GALNT18: variants seen among roughly 807,000 people sequenced by gnomAD.
GALNT18 encodes the protein GalNAc-transferase 18.
GALNT18 carries 44 observed loss-of-function variants against 69.5 expected under a neutral mutation model. The ratio of observed to expected loss-of-function variants is 0.63; its 90% CI spans 0.50 to 0.81. The LOEUF (loss-of-function observed/expected upper bound fraction) is 0.81. Among genes scored for constraint, GALNT18 ranks in the 40% least tolerant of loss-of-function variants. GALNT18 has a pLI of 0.00. For missense variants in GALNT18, 715 were observed against 810.0 expected (o/e 0.88, Z 1.42); for synonymous variants, 364 against 318.2 (o/e 1.14, Z -1.53).
At chr11:11,275,182 T>C (rs1230360001) in intron 10 of GALNT18, among the ~76,000 whole-genome samples, 1 of 152,258 alleles carries the variant, frequency 6.6e-6, no homozygotes, top group African/African-American at 2.4e-5. Flanking sequence ...GTGTTCCTAT[T>C]TCTCCACATC....
In GALNT18 at chr11:11,586,783, G is replaced by A. The variant is rs1859236773; in HGVS notation, c.235+34576C>T. Reference sequence around the variant, plus strand: ...GAGGTCAGGAGTTTGAGACCAGCCTGGCCAACATGGTTAAACACCATCTCT... The same window carrying A: ...GAGGTCAGGAGTTTGAGACCAGCCTAGCCAACATGGTTAAACACCATCTCT... On this transcript the variant is annotated intron_variant, in intron 1 of 10. Transcript: ENST00000227756. This position sits in a 1 kb window ranked among gnomAD's most constrained non-coding sequence, Gnocchi z 4.1. Among the ~76,000 whole-genome samples, 1 of 151,158 alleles carries A rather than the reference G, an allele frequency of 6.6e-6. No homozygotes were observed. The highest frequency in any genetic ancestry group is 2.4e-5 in the African/African-American group (1 of 41,082).
intron 9 of GALNT18, among the ~76,000 whole-genome samples, chr11:11,296,507 C>A (rs1378086503): frequency 6.6e-6 from 1 of 152,190 alleles, no homozygotes; most frequent in Non-Finnish European, 1.5e-5. Context: ...GGCTGTGAGA[C>A]AAGGACAGCC....
At chr11:11,530,086 T>A (rs981357986) in intron 1 of GALNT18, among the ~76,000 whole-genome samples, 7 of 152,024 alleles carry the variant, frequency 4.6e-5, no homozygotes, top group African/African-American at 1.7e-4. Context: ...AGGCCCTCCA[T>A]CCCCTCCTCC....
chr11:11,288,293 TA>T (rs1274899653), intron 10 of GALNT18, among the ~76,000 whole-genome samples: 1 of 152,208 alleles, frequency 6.6e-6, no homozygotes, highest in Non-Finnish European at 1.5e-5. Flanking sequence ...AATGGATTCC[TA>T]CTACTAAAAT....
Position 11,332,838 on chromosome 11 carries a change from A to C in GALNT18, c.1279-7T>G. On this transcript the variant is annotated splice_region_variant and splice_polypyrimidine_tract_variant and intron_variant, in intron 7 of 10. Coordinates refer to ENST00000227756, the MANE Select transcript of GALNT18 (RefSeq NM_198516.3). This position sits in a 1 kb window ranked among gnomAD's most constrained non-coding sequence, Gnocchi z 4.3. ...CAATGTCAATTCCTGAGTCCTGCAC[A>C]GGGACGCAGAAGCAGAGATGAAGCC... 6.2e-7 allele frequency: 1 copy of C among 1,612,298 alleles called. No individual in the cohort carries two copies. The highest frequency in any genetic ancestry group is 8.5e-7 in the Non-Finnish European group (1 of 1,179,826).
At chr11:11,589,442 G>A (rs188260868) in intron 1 of GALNT18, among the ~76,000 whole-genome samples, 28 of 152,090 alleles carry the variant, frequency 1.8e-4, no homozygotes, top group African/African-American at 5.6e-4. Context: ...ACATTTTGCC[G>A]TATTGCTAAA....
intron 3 of GALNT18, among the ~76,000 whole-genome samples, chr11:11,390,765 TCTC>T (rs2133714367): frequency 6.6e-6 from 1 of 152,278 alleles, no homozygotes; most frequent in South Asian, 2.1e-4. Context: ...ACCCAAGTGT[TCTC>T]CTGGCCTTCC....
Position 11,432,850 on chromosome 11 carries a change from C to T in GALNT18, c.429-63G>A. The T allele has an allele frequency of 6.5e-7, 1 of 1,539,706 alleles. No homozygotes were observed. Among genetic ancestry groups the T allele is most frequent in the East Asian group, 2.3e-5 (1 of 43,886 alleles). On this transcript the variant is annotated intron_variant, in intron 2 of 10. Coordinates refer to ENST00000227756, the MANE Select transcript of GALNT18 (RefSeq NM_198516.3). The surrounding 1 kb of genome is among the most constrained non-coding windows in gnomAD (Gnocchi z 5.8). ...GCTGGAGTCATCTCAGGAGCTGACC[C>T]AGCCCATGTCCTGGCTCCAGCTTTG...
At position 11,415,218 on chromosome 11, in the gene GALNT18, C is replaced by T. The variant is rs1201630613; in HGVS notation, c.595+17403G>A. Among the ~76,000 whole-genome samples, 1 of 152,172 alleles carries T rather than the reference C, an allele frequency of 6.6e-6. No individual in the cohort carries two copies. Among genetic ancestry groups the T allele is most frequent in the Admixed American group, 6.5e-5 (1 of 15,280 alleles). ...TTCATGTGATTATGTCAGGCCCAAC[C>T]AACCGATTGGGGACCTTAATTACGT... On this transcript the variant is annotated intron_variant, in intron 3 of 10. Coordinates refer to ENST00000227756, the MANE Select transcript of GALNT18 (RefSeq NM_198516.3). The surrounding 1 kb of genome is among the most constrained non-coding windows in gnomAD (Gnocchi z 4.1).
At chr11:11,279,189 A>G (rs984186458) in intron 10 of GALNT18, among the ~76,000 whole-genome samples, 9 of 152,176 alleles carry the variant, frequency 5.9e-5, no homozygotes, top group African/African-American at 2.2e-4. Flanking sequence ...GTGACCTGCA[A>G]GCTCCCAATT....
chr11:11,330,428 A>C (rs1849998095), intron 8 of GALNT18, among the ~76,000 whole-genome samples: 1 of 152,100 alleles, frequency 6.6e-6, no homozygotes, highest in Non-Finnish European at 1.5e-5. Flanking sequence ...CCCCATTAAG[A>C]GTTCATTATG....
At chr11:11,577,183 A>G (rs1590113074) in intron 1 of GALNT18, among the ~76,000 whole-genome samples, 1 of 152,338 alleles carries the variant, frequency 6.6e-6, no homozygotes. Flanking sequence ...TTCAGCAAGT[A>G]CCTGGCCCAT....
rs765904898 is a variant in GALNT18, at chr11:11,436,471, G to A, written c.429-3684C>T. 1.6e-4 allele frequency among the ~76,000 whole-genome samples: 25 copies of A among 152,058 alleles called. No individual in the cohort carries two copies. The highest frequency in any genetic ancestry group is 2.1e-4 in the Non-Finnish European group (14 of 68,012). On this transcript the variant is annotated intron_variant, in intron 2 of 10. Transcript: ENST00000227756. The surrounding 1 kb of genome is among the most constrained non-coding windows in gnomAD (Gnocchi z 4.5). ...AAGTCCTAGGCACACCAGGTCAGGCGGTCCCCCATGCCTATACCACCAGCT... is the reference window on the plus strand; with the variant it reads ...AAGTCCTAGGCACACCAGGTCAGGCAGTCCCCCATGCCTATACCACCAGCT...
chr11:11,307,894 G>A (rs947842791), intron 9 of GALNT18, among the ~76,000 whole-genome samples: 6 of 152,216 alleles, frequency 3.9e-5, no homozygotes, highest in Non-Finnish European at 8.8e-5. Flanking sequence ...TGATGGGAAC[G>A]AAGTTCAGTT....
At chr11:11,291,072 A>G (rs926253512) in intron 10 of GALNT18, among the ~76,000 whole-genome samples, 2 of 152,128 alleles carry the variant, frequency 1.3e-5, no homozygotes, top group Non-Finnish European at 2.9e-5. Context: ...TCTCAACTTG[A>G]AGGAGGAAAG....
rs564875921 is a variant in GALNT18 at position 11,470,529 on chromosome 11, C to T, written c.236-21593G>A. 2.5e-3 allele frequency among the ~76,000 whole-genome samples: 383 copies of T among 152,308 alleles called. 1 individual carries two copies. The highest frequency in any genetic ancestry group is 4.5e-3 in the Non-Finnish European group (309 of 68,020). On this transcript the variant is annotated intron_variant, in intron 1 of 10. Coordinates refer to ENST00000227756, the MANE Select transcript of GALNT18 (RefSeq NM_198516.3). The surrounding 1 kb of genome is among the most constrained non-coding windows in gnomAD (Gnocchi z 4.8). ...TGCTGTAGACCCCATTATTCCTATG[C>T]TAGAGGCTTGGGGATAGTGATAGGA...
Position 11,587,024 on chromosome 11 carries a change from T to C in GALNT18, c.235+34335A>G, listed in dbSNP as rs536657932. Among the ~76,000 whole-genome samples, 6 of 150,084 alleles carry C rather than the reference T, an allele frequency of 4.0e-5. No individual in the cohort carries two copies. In the South Asian group the frequency reaches 8.3e-4, roughly 21 times the overall value. ...AATAAATAAATAAATAAACTCAAAT[T>C]TCCTCCCATTTTAGAAAAAGCTGCT... On this transcript the variant is annotated intron_variant, in intron 1 of 10. Transcript: ENST00000227756. This position sits in a 1 kb window ranked among gnomAD's most constrained non-coding sequence, Gnocchi z 4.4.
In GALNT18 at chr11:11,500,103, T is replaced by C. The variant is rs900540426; in HGVS notation, c.236-51167A>G. On this transcript the variant is annotated intron_variant, in intron 1 of 10. Coordinates refer to ENST00000227756, the MANE Select transcript of GALNT18 (RefSeq NM_198516.3). The surrounding 1 kb of genome is among the most constrained non-coding windows in gnomAD (Gnocchi z 5.0). ...AAACATGGCATCTTCCCACATTTAA[T>C]ATTCTCATCCCATTTCCTTCTACGA... 6.6e-6 allele frequency among the ~76,000 whole-genome samples: 1 copy of C among 152,210 alleles called. No homozygotes were observed. The highest frequency in any genetic ancestry group is 1.5e-5 in the Non-Finnish European group (1 of 68,042).
chr11:11,562,760 T>G lies in GALNT18; in HGVS notation c.235+58599A>C, dbSNP rs1678250075. 6.6e-6 allele frequency among the ~76,000 whole-genome samples: 1 copy of G among 152,196 alleles called. No homozygotes were observed. The highest frequency in any genetic ancestry group is 2.1e-4 in the South Asian group (1 of 4,822). On this transcript the variant is annotated intron_variant, in intron 1 of 10. Coordinates refer to ENST00000227756, the MANE Select transcript of GALNT18 (RefSeq NM_198516.3). The surrounding 1 kb of genome is among the most constrained non-coding windows in gnomAD (Gnocchi z 4.1). ...AAGTTCCTCCAAACACAAAGTGCTC[T>G]GCCTTCAATCCCCATTTTAATGATG...
Sources: allele counts gnomAD v4.1 joint callset (sites outside exome capture counted in the v4.1 genomes callset), GRCh38; gene constraint gnomAD v4.1.1; non-coding constraint Gnocchi (gnomAD v3.1); transcripts MANE v1.5; gene names NCBI Gene and HGNC (gene_info 2026-07-23, HGNC 2026-07-21).